SMARCC1: variants seen among roughly 807,000 people sequenced by gnomAD.
The protein encoded by SMARCC1 is SWI/SNF related BAF chromatin remodeling complex subunit C1, also known as SWI/SNF complex subunit SMARCC1.
In SMARCC1, 43 loss-of-function variants were observed where a neutral mutation model predicts 147.4. That is an observed-to-expected ratio of 0.29 (90% CI 0.23 to 0.38). SMARCC1 has a LOEUF of 0.38. Ranked by LOEUF, SMARCC1 falls within the 10% of genes least tolerant of loss-of-function variation. SMARCC1 has a pLI of 1.00. For synonymous variants in SMARCC1, 495 were observed against 484.4 expected, an observed-to-expected ratio of 1.02 and a Z score of -0.29; for missense variants, 1,119 against 1,381.1, an observed-to-expected ratio of 0.81 and a Z score of 3.01.
At chr3:47,759,437 A>G (rs911143711) in intron 2 of SMARCC1, among the ~76,000 whole-genome samples, 2 of 151,458 alleles carry the variant, frequency 1.3e-5, no homozygotes, top group Non-Finnish European at 2.9e-5. Context: ...CCTGGCCAAC[A>G]TGGTGAAACC....
chr3:47,661,167 C>G, intron 21 of SMARCC1, 127 bp downstream of exon 21: 1 of 716,802 alleles, frequency 1.4e-6, no homozygotes, highest in Non-Finnish European at 2.1e-6. Flanking sequence ...ATGTACTAAT[C>G]TTAAAAGACA....
rs541412497 is a variant in SMARCC1 at position 47,639,569 on chromosome 3, C to G, written c.2321-789G>C. 2.0e-5 allele frequency among the ~76,000 whole-genome samples: 3 copies of G among 152,170 alleles called. No homozygotes were observed. In the East Asian group the frequency reaches 5.8e-4, roughly 29 times the overall value. On this transcript the variant is annotated intron_variant, in intron 21 of 27. Transcript: ENST00000254480. ...TCTACTAAAAATACAAAAAAATTAG[C>G]CAGGTGCGGTGGTGTGCACCTATAG...
At chr3:47,722,096 A>G (rs533912928) in intron 6 of SMARCC1, among the ~76,000 whole-genome samples, 2 of 151,958 alleles carry the variant, frequency 1.3e-5, no homozygotes, top group African/African-American at 2.4e-5. Context: ...GAAAAAAGAA[A>G]AGGGGCCAGA....
At chr3:47,752,616 C>T (rs2034641384) in intron 2 of SMARCC1, among the ~76,000 whole-genome samples, 2 of 151,964 alleles carry the variant, frequency 1.3e-5, no homozygotes, top group South Asian at 4.2e-4. Flanking sequence ...CAGAGCGAAA[C>T]CCTGTCTCTA....
Position 47,587,728 on chromosome 3 carries a change from T to TC in SMARCC1, c.*480dup, listed in dbSNP as rs1390143834. On this transcript the variant is annotated 3_prime_UTR_variant, in exon 28 of 28. Transcript: ENST00000254480. Reference sequence around the variant, plus strand: ...CTTAAGGTTTGTCCCCTGTGGCTATTCCCCCCCTTCTGCCCATCATTATTT... The same window carrying TC: ...CTTAAGGTTTGTCCCCTGTGGCTATTCCCCCCCCTTCTGCCCATCATTATTT... The TC allele has an allele frequency of 2.6e-5, 4 of 155,366 alleles. No homozygotes were observed. The highest frequency in any genetic ancestry group is 4.3e-5 in the Non-Finnish European group (3 of 69,944). The allele number at this position is 155,366 out of a possible 1,614,324, so 9.6% of individuals were successfully genotyped here.
chr3:47,689,396 T>A lies in SMARCC1; in HGVS notation c.1254A>T (p.Ala418=). 1 of 1,613,138 alleles carries A rather than the reference T, an allele frequency of 6.2e-7. No homozygotes were observed. The highest frequency in any genetic ancestry group is 8.5e-7 in the Non-Finnish European group (1 of 1,179,108). ...TTAACTGAATTGTTACCTTTCCTCCTGCTGTGACTGTTTCTTCATCCTGCT... is the reference window on the plus strand; with the variant it reads ...TTAACTGAATTGTTACCTTTCCTCCAGCTGTGACTGTTTCTTCATCCTGCT... ...LDEQDEETVT[A]GGKEDEDPAK... The change falls in exon 13 of 28, where the codon GCA becomes GCT. Residue 418 remains alanine, a synonymous_variant. Transcript: ENST00000254480.
intron 13 of SMARCC1, among the ~76,000 whole-genome samples, chr3:47,687,220 T>C (rs576448270): frequency 5.3e-4 from 80 of 152,316 alleles, no homozygotes; most frequent in African/African-American, 1.8e-3. Context: ...TGAATACAAA[T>C]GTGATACTAA....
chr3:47,613,982 G>C (rs548411993), intron 25 of SMARCC1, among the ~76,000 whole-genome samples: 1 of 135,798 alleles, frequency 7.4e-6, no homozygotes, highest in Non-Finnish European at 1.6e-5. Context: ...AGCAGGGAGG[G>C]GGGTGGGAAA....
At chr3:47,719,567 TG>T (rs1264135693) in intron 7 of SMARCC1, among the ~76,000 whole-genome samples, 1 of 151,434 alleles carries the variant, frequency 6.6e-6, no homozygotes, top group Non-Finnish European at 1.5e-5. Flanking sequence ...CAGGCATGGT[TG>T]GGGGGCATCT....
intron 10 of SMARCC1, 22 bp from the exon 11 acceptor site, chr3:47,701,424 A>G (rs2033917014): frequency 6.2e-7 from 1 of 1,610,586 alleles, no homozygotes; most frequent in Non-Finnish European, 8.5e-7. Flanking sequence ...AAGTATATGA[A>G]ATATAAACAA....
At chr3:47,735,430 G>A (rs1251460619) in intron 5 of SMARCC1, among the ~76,000 whole-genome samples, 1 of 152,124 alleles carries the variant, frequency 6.6e-6, no homozygotes, top group Non-Finnish European at 1.5e-5. Flanking sequence ...CGAGGCTGGA[G>A]GATGACTTGA....
chr3:47,669,348 T>C (rs1271518856), intron 19 of SMARCC1, among the ~76,000 whole-genome samples: 1 of 152,208 alleles, frequency 6.6e-6, no homozygotes, highest in African/African-American at 2.4e-5. Context: ...AGAACAACTG[T>C]TGCTCCAGTC....
intron 8 of SMARCC1, among the ~76,000 whole-genome samples, chr3:47,711,217 G>C (rs528430537): frequency 1.3e-5 from 2 of 152,150 alleles, no homozygotes; most frequent in African/African-American, 4.8e-5. Context: ...CGCAGAGGCC[G>C]ATCACCTGCC....
chr3:47,667,554 G>A (rs1420904381), intron 19 of SMARCC1, among the ~76,000 whole-genome samples: 1 of 152,106 alleles, frequency 6.6e-6, no homozygotes, highest in African/African-American at 2.4e-5. Context: ...AAATGAACAG[G>A]AAGAATACTG....
chr3:47,664,139 G>A (rs1020664784), intron 19 of SMARCC1, among the ~76,000 whole-genome samples: 1 of 148,130 alleles, frequency 6.8e-6, no homozygotes, highest in Non-Finnish European at 1.5e-5. Context: ...ACTTCTATTT[G>A]TGCCACATCT....
intron 2 of SMARCC1, among the ~76,000 whole-genome samples, chr3:47,771,862 A>G (rs1280819495): frequency 6.6e-6 from 1 of 151,860 alleles, no homozygotes; most frequent in Non-Finnish European, 1.5e-5. Flanking sequence ...TGGGTGGATC[A>G]CTTGAGGCTG....
chr3:47,694,274 C>T (rs572862119), intron 11 of SMARCC1, among the ~76,000 whole-genome samples: 2 of 152,148 alleles, frequency 1.3e-5, no homozygotes, highest in East Asian at 3.9e-4. Context: ...AAATAAAACA[C>T]TGCAACTAGA....
At chr3:47,696,201 T>C (rs1286511506) in intron 11 of SMARCC1, among the ~76,000 whole-genome samples, 11 of 149,914 alleles carry the variant, frequency 7.3e-5, no homozygotes, top group Non-Finnish European at 1.3e-4. Flanking sequence ...CAAAACCCCA[T>C]CTCTACTAAA....
chr3:47,712,472 C>T (rs1355047351), intron 8 of SMARCC1, among the ~76,000 whole-genome samples: 1 of 151,922 alleles, frequency 6.6e-6, no homozygotes, highest in Non-Finnish European at 1.5e-5. Context: ...ACTGAGAAAT[C>T]CTTGAAAGAA....
Sources: allele counts gnomAD v4.1 joint callset (sites outside exome capture counted in the v4.1 genomes callset), GRCh38; gene constraint gnomAD v4.1.1; transcripts MANE v1.5; gene names NCBI Gene and HGNC (gene_info 2026-07-23, HGNC 2026-07-21).